MYO5A: variants seen among roughly 807,000 people sequenced by gnomAD.
The protein encoded by MYO5A is myosin VA.
MYO5A carries 98 observed loss-of-function variants against 249.7 expected under a neutral mutation model. The observed-to-expected ratio is 0.39, with a 90% CI of 0.33 to 0.46. MYO5A has a LOEUF of 0.46. Among genes scored for constraint, MYO5A ranks in the 20% least tolerant of loss-of-function variants. MYO5A has a pLI of 0.98. For missense variants in MYO5A, 1,696 were observed against 2,308.8 expected, an observed-to-expected ratio of 0.73 and a Z score of 5.44; for synonymous variants, 778 against 810.6, an observed-to-expected ratio of 0.96 and a Z score of 0.68.
rs185241256 is a variant in MYO5A, at chr15:52,317,032, G to A, written c.5409+16C>T. ...ATGAATGTTAAATTATTTTGTAACAGGGAAAGTTGCTCTACCTGGGCAGTA... is the reference window on the plus strand; with the variant it reads ...ATGAATGTTAAATTATTTTGTAACAAGGAAAGTTGCTCTACCTGGGCAGTA... On this transcript the variant is annotated intron_variant, in intron 40 of 41. Transcript: ENST00000399233. 6.2e-3 allele frequency: 9,950 copies of A among 1,608,486 alleles called. 57 individuals carry two copies. The highest frequency in any genetic ancestry group is 0.017 in the Middle Eastern group (100 of 6,052).
chr15:52,461,464 C>A (rs1247574256), intron 1 of MYO5A, among the ~76,000 whole-genome samples: 1 of 152,102 alleles, frequency 6.6e-6, no homozygotes, highest in East Asian at 1.9e-4. Context: ...AAACAGAAAC[C>A]TAGTCACCCA....
At chr15:52,511,436 T>C (rs2077387705) in intron 1 of MYO5A, among the ~76,000 whole-genome samples, 1 of 152,256 alleles carries the variant, frequency 6.6e-6, no homozygotes, top group Non-Finnish European at 1.5e-5. Flanking sequence ...CTGCCTCTGC[T>C]ATATTTCTCC....
chr15:52,505,966 C>T, intron 1 of MYO5A: 1 of 1,041,728 alleles, frequency 9.6e-7, no homozygotes, highest in Non-Finnish European at 1.4e-6. Context: ...GTAATCCCAT[C>T]ACTTTGGGAG....
intron 1 of MYO5A, among the ~76,000 whole-genome samples, chr15:52,455,712 A>T (rs887339622): frequency 6.6e-6 from 1 of 151,962 alleles, no homozygotes; most frequent in African/African-American, 2.4e-5. Context: ...AACAAAAACC[A>T]TATGATCATT....
chr15:52,505,525 G>T (rs1364278617), intron 1 of MYO5A: 11 of 1,549,602 alleles, frequency 7.1e-6, no homozygotes, highest in Non-Finnish European at 9.8e-6. Flanking sequence ...GGAAGAAAGT[G>T]AAGAAGCAAA....
chr15:52,401,843 T>G (rs894528267), intron 9 of MYO5A, among the ~76,000 whole-genome samples: 7 of 152,238 alleles, frequency 4.6e-5, no homozygotes, highest in Admixed American at 3.9e-4. Context: ...TTTCAAGTGC[T>G]CTGTCTTTGG....
At chr15:52,387,605 A>C in intron 14 of MYO5A, 1 of 497,536 alleles carries the variant, frequency 2.0e-6, no homozygotes, top group South Asian at 2.3e-5. Context: ...TCTGTGTCTC[A>C]GGTGCCTCAT....
intron 10 of MYO5A, 31 bp downstream of exon 10, chr15:52,397,170 T>C: frequency 6.2e-7 from 1 of 1,611,376 alleles, no homozygotes; most frequent in Non-Finnish European, 8.5e-7. Flanking sequence ...AGAAATGTTC[T>C]CTGGCAGACC....
In MYO5A at chr15:52,525,751, A is replaced by G. The variant is rs372566852; in HGVS notation, c.27+3029T>C. Among the ~76,000 whole-genome samples the G allele has an allele frequency of 8.7e-4, 132 of 152,308 alleles. 1 individual carries two copies. The highest frequency in any genetic ancestry group is 3.1e-3 in the African/African-American group (127 of 41,558). On this transcript the variant is annotated intron_variant, in intron 1 of 41. Transcript: ENST00000399233. ...ATTTTCCTATTCCTCTAGTAATTACAATAGTAGTTTTTATCTCTGGAATCA... is the reference window on the plus strand; with the variant it reads ...ATTTTCCTATTCCTCTAGTAATTACGATAGTAGTTTTTATCTCTGGAATCA...
chr15:52,312,207 T>C lies in MYO5A; in HGVS notation c.*1489A>G, dbSNP rs537493532. Reference sequence around the variant, plus strand: ...TAAAGTATTTCTAATATGATGCTTTTAAAATTATCTAGTGGCATCTGAGAA... The same window carrying C: ...TAAAGTATTTCTAATATGATGCTTTCAAAATTATCTAGTGGCATCTGAGAA... On this transcript the variant is annotated 3_prime_UTR_variant, in exon 42 of 42. Coordinates refer to ENST00000399233, the MANE Select transcript of MYO5A (RefSeq NM_001382347.1). 7 of 152,362 alleles carry C rather than the reference T, an allele frequency of 4.6e-5. No homozygotes were observed. The highest frequency in any genetic ancestry group is 1.7e-4 in the African/African-American group (7 of 41,596). The allele number at this position is 152,362 out of a possible 1,614,324, so 9.4% of individuals were successfully genotyped here.
chr15:52,418,059 C>CA (rs970957872), intron 4 of MYO5A, among the ~76,000 whole-genome samples: 1 of 152,064 alleles, frequency 6.6e-6, no homozygotes, highest in African/African-American at 2.4e-5. Context: ...AGAAAGCAAG[C>CA]AAGGACTACA....
intron 3 of MYO5A, among the ~76,000 whole-genome samples, chr15:52,426,980 A>G (rs570925980): frequency 3.3e-5 from 5 of 151,956 alleles, no homozygotes; most frequent in Non-Finnish European, 7.4e-5. Context: ...GGTCCAAATC[A>G]TGTTTTTGAA....
intron 1 of MYO5A, among the ~76,000 whole-genome samples, chr15:52,500,781 C>G (rs2077139569): frequency 6.6e-6 from 1 of 152,090 alleles, no homozygotes; most frequent in African/African-American, 2.4e-5. Context: ...ATTCAGGTAG[C>G]TTTCTCCTTT....
intron 34 of MYO5A, among the ~76,000 whole-genome samples, chr15:52,335,923 G>A (rs987369949): frequency 6.6e-6 from 1 of 152,278 alleles, no homozygotes; most frequent in African/African-American, 2.4e-5. Flanking sequence ...ACTTTTCTAA[G>A]TGTAATATAC....
intron 18 of MYO5A, among the ~76,000 whole-genome samples, chr15:52,377,966 C>A (rs746989448): frequency 2.3e-4 from 35 of 152,258 alleles, no homozygotes; most frequent in Non-Finnish European, 4.3e-4. Flanking sequence ...AAAAATCTGA[C>A]ACATCCACAT....
At chr15:52,392,643 A>T (rs1287795666) in intron 11 of MYO5A, among the ~76,000 whole-genome samples, 1 of 152,228 alleles carries the variant, frequency 6.6e-6, no homozygotes, top group African/African-American at 2.4e-5. Flanking sequence ...TTCTGTTAGC[A>T]ACTGCAACTG....
chr15:52,386,877 G>C (rs1212616314), intron 14 of MYO5A, among the ~76,000 whole-genome samples: 1 of 152,120 alleles, frequency 6.6e-6, no homozygotes, highest in Non-Finnish European at 1.5e-5. Context: ...TTAAAACTGG[G>C]ATTTGGTCTT....
At chr15:52,525,770 G>A (rs575914217) in intron 1 of MYO5A, among the ~76,000 whole-genome samples, 105 of 152,152 alleles carry the variant, frequency 6.9e-4, no homozygotes, top group African/African-American at 2.4e-3. Context: ...TTTTATCTCT[G>A]GAATCAGCCC....
Position 52,337,859 on chromosome 15 carries a change from T to G in MYO5A, c.4265A>C (p.Asp1422Ala). The change falls in exon 33 of 42, where the codon GAC becomes GCC. Residue 1422 changes from aspartate (D) to alanine (A), a missense_variant. Transcript: ENST00000399233. ...NLYFEELYADDPKKYQSYRIS... is the reference protein window; with the variant it reads ...NLYFEELYADAPKKYQSYRIS... ...CCGATATGATTGATACTTCTTAGGG[T>G]CATCTGCATATAATTCCTCAAAATA... 1 of 1,545,390 alleles carries G rather than the reference T, an allele frequency of 6.5e-7. No homozygotes were observed. Among genetic ancestry groups the G allele is most frequent in the East Asian group, 2.4e-5 (1 of 40,898 alleles).
Sources: allele counts gnomAD v4.1 joint callset (sites outside exome capture counted in the v4.1 genomes callset), GRCh38; gene constraint gnomAD v4.1.1; transcripts MANE v1.5; gene names NCBI Gene and HGNC (gene_info 2026-07-23, HGNC 2026-07-21).